The following SNW1 variants were observed in gnomAD, a reference collection of about 807,000 sequenced individuals.
The protein encoded by SNW1 is SNW domain containing 1.
A neutral mutation model predicts 75.6 loss-of-function variants in SNW1; 9 were observed. The ratio of observed to expected loss-of-function variants is 0.12; its 90% CI spans 0.07 to 0.21. The LOEUF (loss-of-function observed/expected upper bound fraction) is 0.21, where lower values mean the gene tolerates loss of function less well. Among genes scored for constraint, SNW1 ranks in the 10% least tolerant of loss-of-function variants. The probability of loss-of-function intolerance (pLI) is 1.00; values close to 1 mark genes in which losing one functional copy is unlikely to be tolerated. For missense variants in SNW1, 409 were observed against 670.9 expected (o/e 0.61, Z 4.31); for synonymous variants, 200 against 219.1 (o/e 0.91, Z 0.77).
In SNW1 at chr14:77,732,906, C is replaced by T. The variant is rs371873688; in HGVS notation, c.775-305G>A. 6.6e-5 allele frequency among the ~76,000 whole-genome samples: 10 copies of T among 152,264 alleles called. No homozygotes were observed. The East Asian group carries it at 1.7e-3, about 26-fold the overall frequency. On this transcript the variant is annotated intron_variant, in intron 8 of 13. Transcript: ENST00000261531. ...TTTGAATTCCTGACCTTGAGTGATC[C>T]GCCCTTGGCCTCCCAAAGTGCTGGG... is the stretch of plus-strand genomic sequence containing the variant.
At chr14:77,720,903 A>C in intron 11 of SNW1, 75 bp from the exon 12 acceptor site, 1 of 881,942 alleles carries the variant, frequency 1.1e-6, no homozygotes, top group Non-Finnish European at 1.9e-6. Flanking sequence ...AAATACAACC[A>C]ATCTCAGAAA....
At chr14:77,745,693 C>CA (rs1391072962) in intron 3 of SNW1, among the ~76,000 whole-genome samples, 2 of 151,982 alleles carry the variant, frequency 1.3e-5, no homozygotes, top group Non-Finnish European at 2.9e-5. Flanking sequence ...GGGGACAAAG[C>CA]AAGATTTGGT....
rs887609881 is a variant in SNW1, at chr14:77,757,191, G to A, written c.15-2071C>T. Among the ~76,000 whole-genome samples the A allele has an allele frequency of 1.1e-4, 16 of 151,740 alleles. 1 individual carries two copies. In the East Asian group the frequency reaches 3.1e-3, roughly 29 times the overall value. On this transcript the variant is annotated intron_variant, in intron 1 of 13. Transcript: ENST00000261531. ...CTATGCTAGGCATGAGACTATAAAT[G>A]GAGAAAGACAGCTTAGTCTTGCAGA...
chr14:77,757,852 T>A (rs1051657865), intron 1 of SNW1, among the ~76,000 whole-genome samples: 9 of 152,214 alleles, frequency 5.9e-5, no homozygotes, highest in Non-Finnish European at 1.2e-4. Context: ...CCTTCTTATC[T>A]TTTCTTAAAC....
At chr14:77,738,045 C>T (rs1009820913) in intron 5 of SNW1, among the ~76,000 whole-genome samples, 3 of 150,642 alleles carry the variant, frequency 2.0e-5, no homozygotes, top group African/African-American at 7.3e-5. Context: ...TGGCTCACGC[C>T]TATAATCCCA....
Position 77,759,822 on chromosome 14 carries a change from A to T in SNW1, c.14+1292T>A, listed in dbSNP as rs186477894. Among the ~76,000 whole-genome samples, 335 of 149,712 alleles carry T rather than the reference A, an allele frequency of 2.2e-3. 3 individuals are homozygous for T. Among genetic ancestry groups the T allele is most frequent in the African/African-American group, 5.9e-3 (241 of 40,720 alleles). ...AACACCCTATTTCTAGTTTTTTTTT[A>T]AAAAAATTTCAGATGCCGGGCATGG... On this transcript the variant is annotated intron_variant, in intron 1 of 13. Coordinates refer to ENST00000261531, the MANE Select transcript of SNW1 (RefSeq NM_012245.3).
At chr14:77,743,186 T>C (rs1362664570) in intron 3 of SNW1, among the ~76,000 whole-genome samples, 1 of 151,508 alleles carries the variant, frequency 6.6e-6, no homozygotes, top group African/African-American at 2.4e-5. Context: ...GATCGTGCCA[T>C]TGCACCCCAG....
At chr14:77,725,898 A>G (rs1486475196) in intron 10 of SNW1, among the ~76,000 whole-genome samples, 2 of 152,218 alleles carry the variant, frequency 1.3e-5, no homozygotes, top group Admixed American at 1.3e-4. Context: ...GCTGGATGAC[A>G]GAGTGAGACG....
intron 9 of SNW1, among the ~76,000 whole-genome samples, chr14:77,732,003 T>G (rs559152118): frequency 6.6e-6 from 1 of 152,312 alleles, no homozygotes; most frequent in East Asian, 1.9e-4. Flanking sequence ...CCCAAAATGC[T>G]GGGATTATAC....
chr14:77,720,726 G>A lies in SNW1; in HGVS notation c.1233C>T (p.Leu411=). The A allele has an allele frequency of 1.2e-6, 2 of 1,610,596 alleles. No individual in the cohort carries two copies. The highest frequency in any genetic ancestry group is 1.7e-6 in the Non-Finnish European group (2 of 1,177,012). ...TSNEVQYDQR[L]FNQSKGMDSG... is the part of the protein sequence containing the mutation. ...AAACTTGTACCTTGGATTGGTTGAA[G>A]AGCCTTTGGTCATACTGAACTTCAT... The change falls in exon 12 of 14, where the codon CTC becomes CTT. Residue 411 remains leucine, a synonymous_variant. Coordinates refer to ENST00000261531, the MANE Select transcript of SNW1 (RefSeq NM_012245.3).
chr14:77,739,031 G>C lies in SNW1; in HGVS notation c.361C>G (p.Pro121Ala). The change falls in exon 4 of 14, where the codon CCA (proline) becomes GCA (alanine). Residue 121 changes from proline (P) to alanine (A), a missense_variant. Pro to Ala is a conservative substitution (Grantham distance 27). Around this residue, in one of 9 missense-constraint regions of SNW1, gnomAD observed 60 missense variants for 62.6 expected, o/e 0.96. Transcript: ENST00000261531. ...TCATCTGCATTCATAACCTCCTTTG[G>C]AACCAGGTCAGTGTATTTGCTATAA... Reference protein sequence around the residue: ...VIYSKYTDLVPKEVMNADDPD... With the variant: ...VIYSKYTDLVAKEVMNADDPD... 1 of 1,613,812 alleles carries C rather than the reference G, an allele frequency of 6.2e-7. No individual in the cohort carries two copies. Among genetic ancestry groups the C allele is most frequent in the Non-Finnish European group, 8.5e-7 (1 of 1,179,912 alleles).
intron 10 of SNW1, among the ~76,000 whole-genome samples, chr14:77,728,163 G>A (rs1483422857): frequency 2.0e-5 from 3 of 151,900 alleles, no homozygotes; most frequent in African/African-American, 7.3e-5. Flanking sequence ...TAAAATGTCA[G>A]GAAAGGCTGG....
chr14:77,758,296 TGA>T (rs2139937890), intron 1 of SNW1, among the ~76,000 whole-genome samples: 1 of 117,442 alleles, frequency 8.5e-6, no homozygotes, highest in African/African-American at 3.5e-5. Flanking sequence ...CCAGCCTGGG[TGA>T]GAGTGAGACT....
chr14:77,717,665 A>C lies in SNW1; in HGVS notation c.*423T>G, dbSNP rs1449236353. On this transcript the variant is annotated 3_prime_UTR_variant, in exon 14 of 14. Transcript: ENST00000261531. ...AGCAAGAGGTTACTTTGCCCACTCC[A>C]AATTAAAACAGAGCACAATAGGGGC... 3.4e-6 allele frequency: 4 copies of C among 1,164,180 alleles called. No individual in the cohort carries two copies. The highest frequency in any genetic ancestry group is 2.7e-5 in the South Asian group (2 of 72,922). The allele number at this position is 1,164,180 out of a possible 1,614,324, so 72.1% of individuals were successfully genotyped here.
chr14:77,741,241 C>CAGTG (rs1261099340), intron 3 of SNW1, among the ~76,000 whole-genome samples: 1 of 151,608 alleles, frequency 6.6e-6, no homozygotes, highest in Non-Finnish European at 1.5e-5. Flanking sequence ...AGGCCATGAA[C>CAGTG]AGTGACTCAC....
intron 1 of SNW1, among the ~76,000 whole-genome samples, chr14:77,755,940 T>C (rs536395027): frequency 2.6e-5 from 4 of 151,882 alleles, no homozygotes; most frequent in East Asian, 3.9e-4. Flanking sequence ...GGTTTCGCCA[T>C]GTTGGCCAGG....
intron 3 of SNW1, among the ~76,000 whole-genome samples, chr14:77,748,157 A>G (rs1236798347): frequency 2.6e-5 from 4 of 152,216 alleles, no homozygotes; most frequent in Non-Finnish European, 1.5e-5. Flanking sequence ...ACTCAGGGTT[A>G]AATGGATTAA....
At chr14:77,733,619 C>T (rs994545184) in intron 8 of SNW1, among the ~76,000 whole-genome samples, 1 of 151,730 alleles carries the variant, frequency 6.6e-6, no homozygotes, top group Non-Finnish European at 1.5e-5. Flanking sequence ...GTGGGGCACA[C>T]TTGTGGTCCC....
chr14:77,749,620 C>T (rs933033741), intron 3 of SNW1, among the ~76,000 whole-genome samples: 1 of 152,006 alleles, frequency 6.6e-6, no homozygotes, highest in Non-Finnish European at 1.5e-5. Flanking sequence ...CAAAAAAATT[C>T]ACCGGGCATG....
Sources: allele counts gnomAD v4.1 joint callset (sites outside exome capture counted in the v4.1 genomes callset), GRCh38; gene constraint gnomAD v4.1.1; regional missense constraint gnomAD v4.1.1; transcripts MANE v1.5; gene names NCBI Gene and HGNC (gene_info 2026-07-23, HGNC 2026-07-21).